DMD: variants seen among roughly 807,000 people sequenced by gnomAD.
DMD encodes dystrophin, also known as mutant dystrophin.
Under a neutral mutation model 330.1 loss-of-function variants are expected in DMD, and 63 were observed. The observed-to-expected ratio is 0.19, with a 90% CI of 0.16 to 0.24. The LOEUF is 0.24. Among genes scored for constraint, DMD ranks in the 10% least tolerant of loss-of-function variants. The pLI is 1.00. For missense variants in DMD, 3,344 were observed against 2,684.1 expected, an observed-to-expected ratio of 1.25 and a Z score of -5.43; for synonymous variants, 1,223 against 959.8, an observed-to-expected ratio of 1.27 and a Z score of -5.07.
At chrX:32,381,882 G>A (rs997399593) in intron 33 of DMD, among the ~76,000 whole-genome samples, 3 of 110,961 alleles carry the variant, frequency 2.7e-5, no homozygotes, top group African/African-American at 9.8e-5. Flanking sequence ...ATGATGGAAT[G>A]TAAGTATGTT....
chrX:31,570,373 G>A (rs1437445935), intron 55 of DMD, among the ~76,000 whole-genome samples: 2 of 111,024 alleles, frequency 1.8e-5, no homozygotes, highest in Admixed American at 9.6e-5. Context: ...AGTTAACTTG[G>A]TGCCTGCCTG....
chrX:31,347,368 C>T (rs1207631466), intron 61 of DMD, among the ~76,000 whole-genome samples: 2 of 107,964 alleles, frequency 1.9e-5, no homozygotes, highest in African/African-American at 6.6e-5. Flanking sequence ...TGTTTGTACC[C>T]ATTAACCACC....
intron 4 of DMD, among the ~76,000 whole-genome samples, chrX:32,843,853 C>T (rs188793900): frequency 1.3e-3 from 150 of 111,784 alleles, no homozygotes; most frequent in African/African-American, 4.5e-3. Flanking sequence ...GACCTGCCTA[C>T]TTGGTTTAGC....
chrX:32,332,535 C>T (rs182867088), intron 41 of DMD, among the ~76,000 whole-genome samples: 6 of 108,321 alleles, frequency 5.5e-5, no homozygotes, highest in African/African-American at 6.7e-5. Flanking sequence ...CATGGAGAAA[C>T]GGGGGAGGAT....
intron 4 of DMD, among the ~76,000 whole-genome samples, 196 bp downstream of exon 4, chrX:32,844,587 G>A: frequency 9.0e-6 from 1 of 111,589 alleles, no homozygotes; most frequent in East Asian, 2.8e-4. Context: ...TCCCTCTGTG[G>A]CAGCATGCAT....
intron 63 of DMD, among the ~76,000 whole-genome samples, chrX:31,247,127 C>T (rs2048902808): frequency 9.0e-6 from 1 of 111,668 alleles, no homozygotes; most frequent in Non-Finnish European, 1.9e-5. Flanking sequence ...CACCCAAAAG[C>T]TTGGATGGAG....
At chrX:33,248,268 C>G (rs1329880043) in intron 1 of DMD, among the ~76,000 whole-genome samples, 1 of 111,410 alleles carries the variant, frequency 9.0e-6, no homozygotes, top group Non-Finnish European at 1.9e-5. Context: ...GTCTCGATCT[C>G]CTGACCTCAT....
At chrX:32,089,851 A>G (rs1014356328) in intron 44 of DMD, among the ~76,000 whole-genome samples, 2 of 111,932 alleles carry the variant, frequency 1.8e-5, no homozygotes, top group African/African-American at 3.2e-5. Context: ...TTTGTAAGTT[A>G]TTTGAGAAAT....
intron 53 of DMD, among the ~76,000 whole-genome samples, chrX:31,665,988 T>G (rs956899664): frequency 7.2e-5 from 8 of 111,510 alleles, no homozygotes; most frequent in African/African-American, 2.3e-4. Context: ...CTCTCTTTAA[T>G]TTGCTGACTT....
rs185756052 is a variant in DMD, at chrX:32,503,762, G to A, written c.2293-1920C>T. 5.4e-3 allele frequency among the ~76,000 whole-genome samples: 600 copies of A among 110,868 alleles called. 3 individuals carry two copies. The highest frequency in any genetic ancestry group is 0.019 in the African/African-American group (569 of 30,452). On this transcript the variant is annotated intron_variant, in intron 18 of 78. Coordinates refer to ENST00000357033, the MANE Select transcript of DMD (RefSeq NM_004006.3). ...GTAGAGACAGGGTTTCACCATGTTG[G>A]CCAGGCTGGTCTCAAACTCCTGACC...
intron 1 of DMD, among the ~76,000 whole-genome samples, chrX:33,194,608 C>A (rs1450766765): frequency 9.0e-6 from 1 of 110,952 alleles, no homozygotes; most frequent in African/African-American, 3.3e-5. Context: ...GCCTCTTTAA[C>A]AAATCTCCTC....
chrX:33,050,749 G>T (rs1459117031), intron 1 of DMD, among the ~76,000 whole-genome samples: 4 of 112,000 alleles, frequency 3.6e-5, no homozygotes, highest in African/African-American at 1.3e-4. Context: ...ACAAGACACA[G>T]CTATAAGGAA....
chrX:32,963,374 G>T (rs191688878), intron 2 of DMD, among the ~76,000 whole-genome samples: 2 of 111,879 alleles, frequency 1.8e-5, no homozygotes, highest in Non-Finnish European at 3.8e-5. Flanking sequence ...GCATACTAAG[G>T]TGTATTTTAT....
rs1248189032 is a variant in DMD, at chrX:32,610,804, T to C, written c.1482+3499A>G. Among the ~76,000 whole-genome samples, 3 of 110,967 alleles carry C rather than the reference T, an allele frequency of 2.7e-5. No homozygotes were observed. In the Admixed American group the frequency reaches 2.9e-4, roughly 11 times the overall value. On this transcript the variant is annotated intron_variant, in intron 12 of 78. Coordinates refer to ENST00000357033, the MANE Select transcript of DMD (RefSeq NM_004006.3). Reference sequence around the variant, plus strand: ...ATGCAGCAGATGGGAGTTGCTTTTGTGGGGACTCTAAGGTTACTGATGCAT... The same window carrying C: ...ATGCAGCAGATGGGAGTTGCTTTTGCGGGGACTCTAAGGTTACTGATGCAT...
chrX:32,726,893 A>G (rs2066950180), intron 7 of DMD, among the ~76,000 whole-genome samples: 1 of 110,321 alleles, frequency 9.1e-6, no homozygotes. Flanking sequence ...CCTAACGTTT[A>G]CTAGATGTAG....
intron 19 of DMD, among the ~76,000 whole-genome samples, chrX:32,493,587 G>A (rs74598831): frequency 1.3e-4 from 14 of 111,514 alleles, no homozygotes; most frequent in Non-Finnish European, 2.1e-4. Flanking sequence ...TTTGTTAAGC[G>A]ATGCGATTAA....
At chrX:31,745,255 A>G (rs1486126416) in intron 51 of DMD, among the ~76,000 whole-genome samples, 3 of 111,266 alleles carry the variant, frequency 2.7e-5, no homozygotes, top group Non-Finnish European at 3.8e-5. Flanking sequence ...AAGAGTGGGA[A>G]GGGCAGCTGT....
At chrX:31,635,903 A>G (rs2079384069) in intron 54 of DMD, among the ~76,000 whole-genome samples, 1 of 112,020 alleles carries the variant, frequency 8.9e-6, no homozygotes, top group South Asian at 3.7e-4. Flanking sequence ...ACAAGGAGAT[A>G]CCATCACATA....
At chrX:32,809,943 A>AAAAAAG (rs2077242116) in intron 6 of DMD, among the ~76,000 whole-genome samples, 1 of 83,976 alleles carries the variant, frequency 1.2e-5, no homozygotes, top group African/African-American at 4.8e-5. Flanking sequence ...AAAAAAAAAA[A>AAAAAAG]AAAGAAAGAA....
Sources: allele counts gnomAD v4.1 joint callset (sites outside exome capture counted in the v4.1 genomes callset), GRCh38; gene constraint gnomAD v4.1.1; transcripts MANE v1.5; gene names NCBI Gene and HGNC (gene_info 2026-07-23, HGNC 2026-07-21).